The following EPHA2 variants were observed in gnomAD, a reference collection of about 807,000 sequenced individuals.
EPHA2 encodes the protein ephrin type-A receptor 2.
In EPHA2, 54 loss-of-function variants were observed where a neutral mutation model predicts 104.9. That is an observed-to-expected ratio of 0.51 (90% CI 0.41 to 0.65). The LOEUF (loss-of-function observed/expected upper bound fraction) is 0.65. EPHA2 is among the 30% of genes least tolerant of loss of function. The probability of loss-of-function intolerance (pLI) is 0.00; values close to 1 mark genes in which losing one functional copy is unlikely to be tolerated. For missense variants in EPHA2, 1,117 were observed against 1,369.5 expected (o/e 0.82, Z 2.91); for synonymous variants, 560 against 559.1 (o/e 1.00, Z -0.02).
intron 1 of EPHA2, among the ~76,000 whole-genome samples, chr1:16,153,814 C>T (rs775428364): frequency 2.4e-4 from 36 of 152,128 alleles, no homozygotes; most frequent in Non-Finnish European, 4.3e-4. Flanking sequence ...TGTCCTCCTG[C>T]CTGCCCCCTA....
Position 16,126,685 on chromosome 1 carries a change from C to T in EPHA2, c.2826-1365G>A, listed in dbSNP as rs529161865. ...GGTCCCTGGAAAAGCGCTCAGACCA[C>T]GGTGAAGGAGACAGGACCCCCGGCC... On this transcript the variant is annotated intron_variant, in intron 16 of 16. Transcript: ENST00000358432. 4.6e-5 allele frequency among the ~76,000 whole-genome samples: 7 copies of T among 152,354 alleles called. No individual in the cohort carries two copies. In the East Asian group the frequency reaches 7.7e-4, roughly 17 times the overall value.
At position 16,133,883 on chromosome 1, in the gene EPHA2, T is replaced by G. The variant is rs2024629893; in HGVS notation, c.1715A>C (p.Glu572Ala). 2 of 1,550,576 alleles carry G rather than the reference T, an allele frequency of 1.3e-6. No homozygotes were observed. Among genetic ancestry groups the G allele is most frequent in the Non-Finnish European group, 1.7e-6 (2 of 1,146,450 alleles). Residue 572 changes from glutamate to alanine, a missense_variant, in exon 9 of 17, where the codon GAG (glutamate) becomes GCG (alanine). Glu to Ala is a moderately radical substitution (Grantham distance 107). This residue lies in a region of EPHA2 where 113 missense variants were observed against 104.3 expected (regional missense o/e 1.08). Coordinates refer to ENST00000358432, the MANE Select transcript of EPHA2 (RefSeq NM_004431.5). Reference sequence around the variant, plus strand: ...ACCTGACTTGGAGAAGTAAACGTCCTCCGGGGACTGGCGGGCACGCTGGTT... The same window carrying G: ...ACCTGACTTGGAGAAGTAAACGTCCGCCGGGGACTGGCGGGCACGCTGGTT... ...RKNQRARQSP[E>A]DVYFSKSEQL...
At chr1:16,154,524 C>T (rs1177590378) in intron 1 of EPHA2, among the ~76,000 whole-genome samples, 3 of 151,946 alleles carry the variant, frequency 2.0e-5, no homozygotes, top group African/African-American at 7.2e-5. Flanking sequence ...GAGGCCGCGG[C>T]GGGTGGATCA....
chr1:16,133,780 A>G, intron 9 of EPHA2, 80 bp downstream of exon 9: 1 of 1,493,724 alleles, frequency 6.7e-7, no homozygotes. Context: ...CCCTGGGAAC[A>G]CCCTGGCTGC....
chr1:16,136,699 GAAGAAGAAGAAGAAAA>G (rs1557507093), intron 5 of EPHA2, among the ~76,000 whole-genome samples: 3 of 90,228 alleles, frequency 3.3e-5, no homozygotes, highest in African/African-American at 2.9e-4. Context: ...AGAGGAAGAA[GAAGAAGAAGAAGAAAA>G]GAAGAAGAAG....
intron 3 of EPHA2, among the ~76,000 whole-genome samples, chr1:16,147,450 G>A (rs75400691): frequency 0.024 from 3,670 of 152,120 alleles, 149 homozygotes; most frequent in African/African-American, 0.082. Context: ...TTCTATGTAC[G>A]AAAGAGGAGT....
rs150790360 is a variant in EPHA2, at chr1:16,148,708, C to T, written c.493G>A (p.Val165Met). The part of the protein sequence containing the change: ...DFEARHVKLN[V>M]EERSVGPLTR... ...AGCGGCCCCACGGAGCGCTCCTCCA[C>T]GTTCAGCTTCACGTGGCGTGCCTCG... The change falls in exon 3 of 17, where the codon GTG (valine) becomes ATG (methionine). Residue 165 changes from valine (V) to methionine (M), a missense_variant. By Grantham distance (21) the Val-to-Met change is conservative (BLOSUM62 1). Coordinates refer to ENST00000358432, the MANE Select transcript of EPHA2 (RefSeq NM_004431.5). The surrounding 1 kb of genome is among the most constrained non-coding windows in gnomAD (Gnocchi z 4.9). The T allele has an allele frequency of 9.2e-4, 1,486 of 1,613,266 alleles. 10 individuals carry two copies. The African/African-American group carries it at 0.014, about 16-fold the overall frequency.
rs2124200644 is a variant in EPHA2 at position 16,132,154 on chromosome 1, G to A, written c.2235C>T (p.Ile745=). The A allele has an allele frequency of 1.9e-6, 3 of 1,614,220 alleles. No homozygotes were observed. Among genetic ancestry groups the A allele is most frequent in the Non-Finnish European group, 2.5e-6 (3 of 1,180,032 alleles). The change falls in exon 13 of 17, where the codon ATC becomes ATT. Residue 745 remains isoleucine (I), a synonymous_variant. Transcript: ENST00000358432. ...TGCAGACCAGGTTGCTGTTGACGAG[G>A]ATGTTGCGGGCAGCCAGGTCACGGT... ...YVHRDLAARN[I]LVNSNLVCKV...
chr1:16,137,999 G>A lies in EPHA2; in HGVS notation c.1166C>T (p.Pro389Leu), dbSNP rs1274664082. 6 of 1,613,908 alleles carry A rather than the reference G, an allele frequency of 3.7e-6. No individual in the cohort carries two copies. The highest frequency in any genetic ancestry group is 1.3e-5 in the African/African-American group (1 of 74,954). The change falls in exon 5 of 17, where the codon CCT becomes CTT. Residue 389 changes from proline (P) to leucine (L), a missense_variant. By Grantham distance (98) the Pro-to-Leu change is moderately conservative (BLOSUM62 -3). Transcript: ENST00000358432. Reference protein sequence around the residue: ...CEASVRYSEPPHGLTRTSVTV... With the variant: ...CEASVRYSEPLHGLTRTSVTV... The stretch of plus-strand genomic sequence containing the variant: ...CACACTGGTGCGGGTCAGTCCGTGA[G>A]GAGGCTCCGAGTAGCGCACACTGGC...
In EPHA2 at chr1:16,131,367, G is replaced by T. The variant is rs993382952; in HGVS notation, c.2475+354C>A. ...GGCTGAGGCATGTGGATCACCTGAA[G>T]CGAGGAGCTAGAGACCAGCCTGGCC... On this transcript the variant is annotated intron_variant, in intron 14 of 16. Coordinates refer to ENST00000358432, the MANE Select transcript of EPHA2 (RefSeq NM_004431.5). The surrounding 1 kb of genome is among the most constrained non-coding windows in gnomAD (Gnocchi z 5.2). Among the ~76,000 whole-genome samples the T allele has an allele frequency of 2.6e-5, 4 of 152,058 alleles. No individual in the cohort carries two copies. The highest frequency in any genetic ancestry group is 6.6e-5 in the Admixed American group (1 of 15,262).
At chr1:16,138,622 C>A (rs2024765958) in intron 3 of EPHA2, among the ~76,000 whole-genome samples, 192 bp from the exon 4 acceptor site, 1 of 152,218 alleles carries the variant, frequency 6.6e-6, no homozygotes, top group Non-Finnish European at 1.5e-5. Context: ...ATGTACCGGG[C>A]ACCCAGGAAG....
chr1:16,146,093 A>G (rs985781779), intron 3 of EPHA2, among the ~76,000 whole-genome samples: 1 of 152,162 alleles, frequency 6.6e-6, no homozygotes, highest in Admixed American at 6.5e-5. Flanking sequence ...CTAGAGGTAT[A>G]AAGAGGAGCC....
At chr1:16,153,364 G>A in intron 1 of EPHA2, 2 of 980,362 alleles carry the variant, frequency 2.0e-6, no homozygotes, top group Non-Finnish European at 2.4e-6. Context: ...GGGGACTCTG[G>A]GGAAAACATG....
At position 16,130,122 on chromosome 1, in the gene EPHA2, C is replaced by G; in HGVS notation, c.2669+104G>C. ...CCACACATAACCTCTTAGCCCCCAG[C>G]ACCCCCCCTACCAGCTTCACCTGGG... On this transcript the variant is annotated intron_variant, in intron 15 of 16. Transcript: ENST00000358432. The surrounding 1 kb of genome is among the most constrained non-coding windows in gnomAD (Gnocchi z 4.5). 1 of 1,499,364 alleles carries G rather than the reference C, an allele frequency of 6.7e-7. No individual in the cohort carries two copies. Among genetic ancestry groups the G allele is most frequent in the Non-Finnish European group, 9.2e-7 (1 of 1,083,178 alleles). The allele number at this position is 1,499,364 out of a possible 1,614,324, so 92.9% of individuals were successfully genotyped here.
Position 16,149,094 on chromosome 1 carries a change from C to T in EPHA2, c.154-47G>A, listed in dbSNP as rs761310583. The T allele has an allele frequency of 4.6e-5, 74 of 1,599,188 alleles. No homozygotes were observed. In the Admixed American group the frequency reaches 5.2e-4, roughly 11 times the overall value. On this transcript the variant is annotated intron_variant, in intron 2 of 16. Coordinates refer to ENST00000358432, the MANE Select transcript of EPHA2 (RefSeq NM_004431.5). ...TAGTGTGGGCAGGTGCCTGGGGAAA[C>T]TGAGGCCCAGGTGGCAGAGTAGGGC...
chr1:16,134,289 C>T lies in EPHA2; in HGVS notation c.1682+179G>A, dbSNP rs976339356. ...GGTAATGACCCCCGTGTCCCGGCCC[C>T]GCCGCGTGCCAGGCACTTCGCTACA... On this transcript the variant is annotated intron_variant, in intron 8 of 16. Coordinates refer to ENST00000358432, the MANE Select transcript of EPHA2 (RefSeq NM_004431.5). This position sits in a 1 kb window ranked among gnomAD's most constrained non-coding sequence, Gnocchi z 4.5. Among the ~76,000 whole-genome samples, 2 of 152,166 alleles carry T rather than the reference C, an allele frequency of 1.3e-5. No individual in the cohort carries two copies. Among genetic ancestry groups the T allele is most frequent in the African/African-American group, 4.8e-5 (2 of 41,440 alleles).
intron 1 of EPHA2, chr1:16,153,083 G>A: frequency 4.1e-6 from 4 of 969,366 alleles, no homozygotes; most frequent in South Asian, 4.8e-5. Flanking sequence ...GGCTAAGCAG[G>A]GCTTATCCAT....
chr1:16,153,881 C>G (rs973260104), intron 1 of EPHA2, among the ~76,000 whole-genome samples: 1 of 152,146 alleles, frequency 6.6e-6, no homozygotes, highest in African/African-American at 2.4e-5. Flanking sequence ...CTGAAACCAG[C>G]AGCTGCCAGC....
rs1419255019 is a variant in EPHA2, at chr1:16,148,243, T to C, written c.823+135A>G. The C allele has an allele frequency of 5.4e-6, 6 of 1,103,976 alleles. No homozygotes were observed. The African/African-American group carries it at 9.2e-5, about 17-fold the overall frequency. The allele number at this position is 1,103,976 out of a possible 1,614,324, so 68.4% of individuals were successfully genotyped here. A position where few individuals can be genotyped will look rare whatever the true frequency, so the allele number is the denominator to read the frequency against. ...TAAGGAAACTGATGTCTGGGAAGGA[T>C]CTATAATTTCCACTAACAGAACTAA... is the stretch of plus-strand genomic sequence containing the variant. On this transcript the variant is annotated intron_variant, in intron 3 of 16. Coordinates refer to ENST00000358432, the MANE Select transcript of EPHA2 (RefSeq NM_004431.5). This position sits in a 1 kb window ranked among gnomAD's most constrained non-coding sequence, Gnocchi z 4.9.
Sources: allele counts gnomAD v4.1 joint callset (sites outside exome capture counted in the v4.1 genomes callset), GRCh38; gene constraint gnomAD v4.1.1; regional missense constraint gnomAD v4.1.1; non-coding constraint Gnocchi (gnomAD v3.1); transcripts MANE v1.5; gene names NCBI Gene and HGNC (gene_info 2026-07-23, HGNC 2026-07-21).